Variants in RGL1 observed in about 807,000 individuals in gnomAD.
RGL1 encodes ral guanine nucleotide dissociation stimulator-like 1.
RGL1 carries 24 observed loss-of-function variants against 95.2 expected under a neutral mutation model. The ratio of observed to expected loss-of-function variants is 0.25; its 90% CI spans 0.18 to 0.35. The LOEUF (loss-of-function observed/expected upper bound fraction) is 0.35, where lower values mean the gene tolerates loss of function less well. Ranked by LOEUF, RGL1 falls within the 10% of genes least tolerant of loss-of-function variation. RGL1 has a pLI of 1.00. For synonymous variants in RGL1, 329 were observed against 344.9 expected (o/e 0.95, Z 0.51); for missense variants, 715 against 936.3 (o/e 0.76, Z 3.08).
chr1:183,860,937 A>G (rs1665475881), intron 3 of RGL1, among the ~76,000 whole-genome samples: 1 of 152,178 alleles, frequency 6.6e-6, no homozygotes, highest in South Asian at 2.1e-4. Flanking sequence ...AAGGCTCACC[A>G]TAGCTTGTAT....
chr1:183,704,782 A>G (rs1411720329), intron 1 of RGL1, among the ~76,000 whole-genome samples: 1 of 152,168 alleles, frequency 6.6e-6, no homozygotes, highest in Non-Finnish European at 1.5e-5. Context: ...GTGAGCTAGC[A>G]TGTCTTTGAT....
chr1:183,703,341 G>A (rs760722932), intron 1 of RGL1, among the ~76,000 whole-genome samples: 1 of 152,144 alleles, frequency 6.6e-6, no homozygotes, highest in African/African-American at 2.4e-5. Context: ...CAGGAGCATC[G>A]TCTGGATTGT....
chr1:183,853,273 G>A (rs1664938499), intron 3 of RGL1, among the ~76,000 whole-genome samples: 1 of 152,096 alleles, frequency 6.6e-6, no homozygotes, highest in South Asian at 2.1e-4. Flanking sequence ...AGGTTGCAGT[G>A]AGCTGAGATT....
intron 1 of RGL1, among the ~76,000 whole-genome samples, chr1:183,649,280 G>C (rs1650544467): frequency 6.6e-6 from 1 of 152,198 alleles, no homozygotes; most frequent in South Asian, 2.1e-4. Context: ...ACATAGTAAG[G>C]ACTCAGTAAA....
intron 3 of RGL1, among the ~76,000 whole-genome samples, chr1:183,858,561 T>C (rs1665306335): frequency 6.6e-6 from 1 of 152,182 alleles, no homozygotes; most frequent in African/African-American, 2.4e-5. Flanking sequence ...AAAATTACGC[T>C]TCATGGTTCA....
At chr1:183,784,042 G>C (rs1024667551) in intron 2 of RGL1, among the ~76,000 whole-genome samples, 3 of 152,158 alleles carry the variant, frequency 2.0e-5, no homozygotes, top group Non-Finnish European at 4.4e-5. Context: ...CTAATCTGCA[G>C]GGCCTTGAAT....
chr1:183,695,019 C>A (rs904967717), intron 1 of RGL1, among the ~76,000 whole-genome samples: 12 of 152,214 alleles, frequency 7.9e-5, no homozygotes, highest in African/African-American at 2.7e-4. Context: ...TCCACAGAAT[C>A]TCAAGTATCC....
At chr1:183,660,633 G>C (rs12049524) in intron 1 of RGL1, among the ~76,000 whole-genome samples, 1 of 150,082 alleles carries the variant, frequency 6.7e-6, no homozygotes, top group African/African-American at 2.5e-5. Flanking sequence ...CCCACTGTCA[G>C]CATTAGACAG....
chr1:183,750,189 G>C (rs1157685373), intron 2 of RGL1, among the ~76,000 whole-genome samples: 1 of 152,166 alleles, frequency 6.6e-6, no homozygotes, highest in African/African-American at 2.4e-5. Context: ...ATCGCTTTCA[G>C]GTACACCAAT....
At chr1:183,875,194 G>A (rs537913369) in intron 4 of RGL1, among the ~76,000 whole-genome samples, 1 of 152,252 alleles carries the variant, frequency 6.6e-6, no homozygotes, top group African/African-American at 2.4e-5. Context: ...TAGATTGCTG[G>A]GGAGAGAAAA....
chr1:183,801,781 C>T (rs1165571843), upstream of RGL1, among the ~76,000 whole-genome samples: 1 of 152,158 alleles, frequency 6.6e-6, no homozygotes, highest in Non-Finnish European at 1.5e-5. Context: ...GAAGGTGAGG[C>T]AGCGCATGCA....
At chr1:183,877,936 T>C (rs1666602720) in intron 4 of RGL1, among the ~76,000 whole-genome samples, 1 of 152,144 alleles carries the variant, frequency 6.6e-6, no homozygotes, top group African/African-American at 2.4e-5. Context: ...TGTGTGCCCA[T>C]CAGAAATACC....
At chr1:183,906,220 G>A (rs1458378198) in intron 13 of RGL1, among the ~76,000 whole-genome samples, 1 of 152,212 alleles carries the variant, frequency 6.6e-6, no homozygotes, top group Non-Finnish European at 1.5e-5. Flanking sequence ...GAAGATGGCT[G>A]TATAATGTTG....
intron 3 of RGL1, among the ~76,000 whole-genome samples, chr1:183,858,429 G>C (rs1025006093): frequency 6.6e-6 from 1 of 152,126 alleles, no homozygotes; most frequent in African/African-American, 2.4e-5. Context: ...TGTCCCTAGC[G>C]TGGTAACAGG....
intron 1 of RGL1, among the ~76,000 whole-genome samples, chr1:183,696,336 G>C (rs1654252729): frequency 6.6e-6 from 1 of 152,054 alleles, no homozygotes; most frequent in African/African-American, 2.4e-5. Context: ...TTTCAACCAT[G>C]GTTTCTCATC....
chr1:183,918,922 G>T (rs1336697315), intron 16 of RGL1, among the ~76,000 whole-genome samples: 1 of 152,200 alleles, frequency 6.6e-6, no homozygotes, highest in Admixed American at 6.5e-5. Context: ...AATGTATTAT[G>T]CTGTGTGCTG....
At chr1:183,785,404 G>C (rs1660107320) in intron 2 of RGL1, among the ~76,000 whole-genome samples, 1 of 152,192 alleles carries the variant, frequency 6.6e-6, no homozygotes, top group East Asian at 1.9e-4. Context: ...CTCAGCTGTA[G>C]GCATACCTGA....
rs148647142 is a variant in RGL1 at position 183,809,221 on chromosome 1, T to G, written c.138+2736T>G. On this transcript the variant is annotated intron_variant, in intron 2 of 17. Coordinates refer to ENST00000360851, the MANE Select transcript of RGL1 (RefSeq NM_001297671.3). ...AGATGCCTAAAAGATGGAACATAAT[T>G]TTTGTATTTTCTAGTATTCAGATCT... 1.4e-4 allele frequency among the ~76,000 whole-genome samples: 22 copies of G among 152,334 alleles called. No homozygotes were observed. In the East Asian group the frequency reaches 4.0e-3, roughly 28 times the overall value.
At chr1:183,806,570 C>A in intron 2 of RGL1, 85 bp downstream of exon 2, 2 of 739,258 alleles carry the variant, frequency 2.7e-6, no homozygotes, top group Non-Finnish European at 4.2e-6. Flanking sequence ...CAGAGGCAGG[C>A]TTTTTTTTTT....
Sources: allele counts gnomAD v4.1 joint callset (sites outside exome capture counted in the v4.1 genomes callset), GRCh38; gene constraint gnomAD v4.1.1; transcripts MANE v1.5; gene names NCBI Gene and HGNC (gene_info 2026-07-23, HGNC 2026-07-21).